KPNA4: variants seen among roughly 807,000 people sequenced by gnomAD.
The protein encoded by KPNA4 is karyopherin subunit alpha 4.
Under a neutral mutation model 71.3 loss-of-function variants are expected in KPNA4, and 13 were observed. The ratio of observed to expected loss-of-function variants is 0.18; its 90% CI spans 0.12 to 0.29. The LOEUF (loss-of-function observed/expected upper bound fraction) is 0.29. KPNA4 is among the 10% of genes least tolerant of loss of function. The probability of loss-of-function intolerance (pLI) is 1.00; values close to 1 mark genes in which losing one functional copy is unlikely to be tolerated. For missense variants in KPNA4, 334 were observed against 603.2 expected (o/e 0.55, Z 4.67); for synonymous variants, 189 against 195.2 (o/e 0.97, Z 0.26).
At chr3:160,564,164 A>C (rs1722294952) in intron 1 of KPNA4, 1 of 152,244 alleles carries the variant, frequency 6.6e-6, no homozygotes, top group South Asian at 2.1e-4. Context: ...GAAGGGAAGA[A>C]GTCTTCTATC....
chr3:160,499,633 C>G lies in KPNA4; in HGVS notation c.*2471G>C, dbSNP rs557281251. ...TATAGATGGAAATAAAATATTTAAA[C>G]GATAAGGTAGTCCTTATACCCAGAG... On this transcript the variant is annotated 3_prime_UTR_variant, in exon 17 of 17. Coordinates refer to ENST00000334256, the MANE Select transcript of KPNA4 (RefSeq NM_002268.5). 1 of 151,994 alleles carries G rather than the reference C, an allele frequency of 6.6e-6. No individual in the cohort carries two copies. The highest frequency in any genetic ancestry group is 1.5e-5 in the Non-Finnish European group (1 of 67,974). The allele number at this position is 151,994 out of a possible 1,614,324, so 9.4% of individuals were successfully genotyped here. A position where few individuals can be genotyped will look rare whatever the true frequency, so the allele number is the denominator to read the frequency against.
At chr3:160,551,583 G>C (rs990031928) in intron 1 of KPNA4, among the ~76,000 whole-genome samples, 1 of 152,192 alleles carries the variant, frequency 6.6e-6, no homozygotes, top group Non-Finnish European at 1.5e-5. Flanking sequence ...TCACTTGCCT[G>C]AAGTAGAGAG....
chr3:160,540,955 T>C lies in KPNA4; in HGVS notation c.70-4115A>G, dbSNP rs570743091. On this transcript the variant is annotated intron_variant, in intron 1 of 16. Transcript: ENST00000334256. ...AATTCAGGCAAAAGGGGATAAGAAATTGACAAAAAATTTTAAGCAAGTCAA... is the reference window on the plus strand; with the variant it reads ...AATTCAGGCAAAAGGGGATAAGAAACTGACAAAAAATTTTAAGCAAGTCAA... 5.9e-5 allele frequency among the ~76,000 whole-genome samples: 9 copies of C among 152,296 alleles called. No homozygotes were observed. The South Asian group carries it at 1.9e-3, about 32-fold the overall frequency.
chr3:160,526,632 C>T (rs539621204), intron 8 of KPNA4, among the ~76,000 whole-genome samples: 1 of 152,262 alleles, frequency 6.6e-6, no homozygotes, highest in South Asian at 2.1e-4. Context: ...TTAACAAGCA[C>T]CCCATGTAGT....
chr3:160,535,476 T>C (rs778194852), intron 5 of KPNA4, 37 bp downstream of exon 5: 36 of 1,523,714 alleles, frequency 2.4e-5, no homozygotes, highest in South Asian at 8.4e-5. Flanking sequence ...CCTGTGTAAG[T>C]TGTAAAATCT....
intron 1 of KPNA4, among the ~76,000 whole-genome samples, 175 bp downstream of exon 1, chr3:160,565,039 G>A (rs1318498295): frequency 2.6e-5 from 4 of 151,140 alleles, no homozygotes; most frequent in Non-Finnish European, 5.9e-5. Flanking sequence ...GGCGGAGCAG[G>A]CCCGACATAA....
At chr3:160,553,737 A>G (rs1193895483) in intron 1 of KPNA4, among the ~76,000 whole-genome samples, 2 of 152,196 alleles carry the variant, frequency 1.3e-5, no homozygotes, top group Non-Finnish European at 2.9e-5. Flanking sequence ...GCAAATAACG[A>G]AAGAGATGCA....
At position 160,501,479 on chromosome 3, in the gene KPNA4, G is replaced by C. The variant is rs1356080069; in HGVS notation, c.*625C>G. ...TTTACTAGGTTATCAGCCCCCTGAA[G>C]GTGAATCAAGCTTGCATGCGTTCAC... is the stretch of plus-strand genomic sequence containing the variant. On this transcript the variant is annotated 3_prime_UTR_variant, in exon 17 of 17. Coordinates refer to ENST00000334256, the MANE Select transcript of KPNA4 (RefSeq NM_002268.5). The C allele has an allele frequency of 1.3e-5, 2 of 152,464 alleles. No homozygotes were observed. Among genetic ancestry groups the C allele is most frequent in the African/African-American group, 4.8e-5 (2 of 41,382 alleles). The allele number at this position is 152,464 out of a possible 1,614,324, so 9.4% of individuals were successfully genotyped here. A position where few individuals can be genotyped will look rare whatever the true frequency, so the allele number is the denominator to read the frequency against.
At chr3:160,542,223 T>G (rs1721814281) in intron 1 of KPNA4, among the ~76,000 whole-genome samples, 1 of 152,206 alleles carries the variant, frequency 6.6e-6, no homozygotes, top group Admixed American at 6.5e-5. Flanking sequence ...AAAAGTGAGT[T>G]ACTGGTGATT....
rs1294708330 is a variant in KPNA4, at chr3:160,497,037, A to T, written c.*5067T>A. ...TGATTGGTGTGCTTAGTTTTTTATC[A>T]ATTTGACACTACAGTCCAAATTTGC... On this transcript the variant is annotated 3_prime_UTR_variant, in exon 17 of 17. Transcript: ENST00000334256. 2 of 152,216 alleles carry T rather than the reference A, an allele frequency of 1.3e-5. No individual in the cohort carries two copies. Among genetic ancestry groups the T allele is most frequent in the Non-Finnish European group, 2.9e-5 (2 of 68,030 alleles). 9.4% of individuals were successfully genotyped at this position (152,216 alleles called of 1,614,324 possible).
Position 160,562,071 on chromosome 3 carries a change from T to C in KPNA4, c.69+3143A>G, listed in dbSNP as rs535746824. On this transcript the variant is annotated intron_variant, in intron 1 of 16. Coordinates refer to ENST00000334256, the MANE Select transcript of KPNA4 (RefSeq NM_002268.5). The stretch of plus-strand genomic sequence containing the variant: ...ACTCTGTATTCTTCATCATTTCTAA[T>C]CAAATAAACTGTTAGATCATAATAT... Among the ~76,000 whole-genome samples, 3 of 152,244 alleles carry C rather than the reference T, an allele frequency of 2.0e-5. No homozygotes were observed. The South Asian group carries it at 6.2e-4, about 32-fold the overall frequency.
At chr3:160,511,359 C>T (rs1432833479) in intron 13 of KPNA4, among the ~76,000 whole-genome samples, 6 of 152,130 alleles carry the variant, frequency 3.9e-5, no homozygotes, top group Non-Finnish European at 8.8e-5. Flanking sequence ...CCCGCCTCAG[C>T]CTCCCAAAGT....
chr3:160,538,129 ATATG>A (rs1008244996), intron 1 of KPNA4, among the ~76,000 whole-genome samples: 5 of 149,912 alleles, frequency 3.3e-5, no homozygotes, highest in African/African-American at 7.3e-5. Flanking sequence ...ATATGTATAT[ATATG>A]TATGTATATA....
chr3:160,551,035 C>T (rs934444381), intron 1 of KPNA4, among the ~76,000 whole-genome samples: 1 of 151,090 alleles, frequency 6.6e-6, no homozygotes, highest in Non-Finnish European at 1.5e-5. Context: ...TGGAACTCTT[C>T]CATCTTTTGA....
At chr3:160,534,857 G>A (rs1391935083) in intron 5 of KPNA4, among the ~76,000 whole-genome samples, 1 of 151,278 alleles carries the variant, frequency 6.6e-6, no homozygotes, top group Non-Finnish European at 1.5e-5. Context: ...CCAAGTAGCT[G>A]GAATTACAGG....
Position 160,497,837 on chromosome 3 carries a change from C to A in KPNA4, c.*4267G>T, listed in dbSNP as rs1301636133. On this transcript the variant is annotated 3_prime_UTR_variant, in exon 17 of 17. Transcript: ENST00000334256. ...CCGAGGAGTTAACAATTAAAGTTGG[C>A]CTATTTATAGTTCACTTTAATAGCT... is the stretch of plus-strand genomic sequence containing the variant. 1.3e-5 allele frequency: 2 copies of A among 151,996 alleles called. No homozygotes were observed. The highest frequency in any genetic ancestry group is 4.8e-5 in the African/African-American group (2 of 41,378). 9.4% of individuals were successfully genotyped at this position (151,996 alleles called of 1,614,324 possible). A position where few individuals can be genotyped will look rare whatever the true frequency, so the allele number is the denominator to read the frequency against.
chr3:160,520,898 G>A (rs186118189), intron 11 of KPNA4, among the ~76,000 whole-genome samples: 6 of 152,248 alleles, frequency 3.9e-5, no homozygotes, highest in African/African-American at 9.6e-5. Context: ...AGCTTGCTGC[G>A]TCTCCCCCAT....
rs1437350963 is a variant in KPNA4 at position 160,565,357 on chromosome 3, C to G, written c.-75G>C. 1.0e-5 allele frequency: 13 copies of G among 1,277,726 alleles called. No homozygotes were observed. Among genetic ancestry groups the G allele is most frequent in the Non-Finnish European group, 1.3e-5 (12 of 903,840 alleles). The allele number at this position is 1,277,726 out of a possible 1,614,324, so 79.1% of individuals were successfully genotyped here. A position where few individuals can be genotyped will look rare whatever the true frequency, so the allele number is the denominator to read the frequency against. ...CAACCAACGCGCCGCACCGACACTC[C>G]CAGGAACCGGGCCGCCGCCTGAGCT... On this transcript the variant is annotated 5_prime_UTR_variant, in exon 1 of 17. Coordinates refer to ENST00000334256, the MANE Select transcript of KPNA4 (RefSeq NM_002268.5).
rs1413106004 is a variant in KPNA4 at position 160,497,750 on chromosome 3, A to G, written c.*4354T>C. On this transcript the variant is annotated 3_prime_UTR_variant, in exon 17 of 17. Coordinates refer to ENST00000334256, the MANE Select transcript of KPNA4 (RefSeq NM_002268.5). ...AAGATACTCAGCTATCTTGGCCTTC[A>G]AAACGCCAATGGTGGATTCTAACTG... The G allele has an allele frequency of 6.6e-6, 1 of 152,218 alleles. No individual in the cohort carries two copies. Among genetic ancestry groups the G allele is most frequent in the East Asian group, 1.9e-4 (1 of 5,194 alleles). 9.4% of individuals were successfully genotyped at this position (152,218 alleles called of 1,614,324 possible).
Sources: gnomAD v4.1 joint callset for allele counts (sites outside exome capture counted in the v4.1 genomes callset) on GRCh38, gnomAD v4.1.1 for gene constraint, MANE v1.5 for transcripts, NCBI Gene and HGNC (gene_info 2026-07-23, HGNC 2026-07-21) for gene names.